The following CYP46A1 variants were observed in gnomAD, a reference collection of about 807,000 sequenced individuals.
The protein encoded by CYP46A1 is cytochrome P450 family 46 subfamily A member 1.
Under a neutral mutation model 63.3 loss-of-function variants are expected in CYP46A1, and 20 were observed. That is an observed-to-expected ratio of 0.32 (90% CI 0.22 to 0.46). The LOEUF is 0.46. CYP46A1 is among the 20% of genes least tolerant of loss of function. The probability of loss-of-function intolerance (pLI) is 1.00; values close to 1 mark genes in which losing one functional copy is unlikely to be tolerated. For synonymous variants in CYP46A1, 268 were observed against 273.6 expected (o/e 0.98, Z 0.20); for missense variants, 445 against 670.8 (o/e 0.66, Z 3.72).
intron 12 of CYP46A1, among the ~76,000 whole-genome samples, chr14:99,724,363 C>T (rs1281369315): frequency 6.6e-6 from 1 of 152,158 alleles, no homozygotes; most frequent in Non-Finnish European, 1.5e-5. Flanking sequence ...CTCCAGCATC[C>T]ATCCAAGCCT....
chr14:99,686,440 C>T (rs2056495039), intron 1 of CYP46A1, among the ~76,000 whole-genome samples: 1 of 152,154 alleles, frequency 6.6e-6, no homozygotes, highest in South Asian at 2.1e-4. Context: ...CCATCGCCAC[C>T]GATTTCAGAA....
chr14:99,691,722 T>C lies in CYP46A1; in HGVS notation c.201-58T>C. 4 of 1,517,470 alleles carry C rather than the reference T, an allele frequency of 2.6e-6. No homozygotes were observed. The South Asian group carries it at 4.5e-5, about 17-fold the overall frequency. The allele number at this position is 1,517,470 out of a possible 1,614,324, so 94.0% of individuals were successfully genotyped here. A position where few individuals can be genotyped will look rare whatever the true frequency, so the allele number is the denominator to read the frequency against. On this transcript the variant is annotated intron_variant, in intron 2 of 14. Coordinates refer to ENST00000261835, the MANE Select transcript of CYP46A1 (RefSeq NM_006668.2). The stretch of plus-strand genomic sequence containing the variant: ...CATCGGTTTCTCAGCTGGGCGGGGT[T>C]GGTGATGGTCATACCTCAGGTGGTT...
chr14:99,684,596 C>T, intron 1 of CYP46A1, 60 bp downstream of exon 1: 2 of 1,362,038 alleles, frequency 1.5e-6, no homozygotes, highest in Non-Finnish European at 2.0e-6. Flanking sequence ...CTGGGGACAG[C>T]GTCTAAGCCG....
rs562746486 is a variant in CYP46A1 at position 99,719,801 on chromosome 14, G to A, written c.981-1438G>A. On this transcript the variant is annotated intron_variant, in intron 10 of 14. Coordinates refer to ENST00000261835, the MANE Select transcript of CYP46A1 (RefSeq NM_006668.2). ...TTTTAAGACAGAGTCTCACTCTGTC[G>A]CCCAGGCTGCAGTGCAGTGGCACAA... 5.7e-4 allele frequency among the ~76,000 whole-genome samples: 71 copies of A among 123,918 alleles called. 1 individual carries two copies. The highest frequency in any genetic ancestry group is 1.7e-3 in the Admixed American group (16 of 9,612). 81.3% of individuals were successfully genotyped at this position (123,918 alleles called of 152,430 possible).
chr14:99,709,120 C>T (rs2056706640), intron 7 of CYP46A1: 1 of 152,068 alleles, frequency 6.6e-6, no homozygotes, highest in Admixed American at 6.6e-5. Flanking sequence ...ACACTAGATG[C>T]ACAAAGGGGC....
intron 1 of CYP46A1, among the ~76,000 whole-genome samples, chr14:99,684,948 T>C (rs2056477742): frequency 6.6e-6 from 1 of 152,204 alleles, no homozygotes; most frequent in Admixed American, 6.5e-5. Context: ...TCAGCCTGGA[T>C]TGGAGCACGC....
Position 99,692,143 on chromosome 14 carries a change from C to G in CYP46A1, c.282+282C>G, listed in dbSNP as rs529246133. Among the ~76,000 whole-genome samples, 61 of 152,332 alleles carry G rather than the reference C, an allele frequency of 4.0e-4. 1 individual carries two copies. The highest frequency in any genetic ancestry group is 3.4e-3 in the Middle Eastern group (1 of 294). On this transcript the variant is annotated intron_variant, in intron 3 of 14. Transcript: ENST00000261835. The stretch of plus-strand genomic sequence containing the variant: ...TAGTGCACACACGTTTAGTTTGCCT[C>G]TCTTTGCCTCAGTTCCTTCATCTGT...
chr14:99,687,212 C>T (rs2140109961), intron 1 of CYP46A1, among the ~76,000 whole-genome samples: 1 of 152,354 alleles, frequency 6.6e-6, no homozygotes, highest in Admixed American at 6.5e-5. Context: ...TCAGATCCCA[C>T]ACAAACACCT....
intron 9 of CYP46A1, among the ~76,000 whole-genome samples, chr14:99,717,498 C>G (rs2056801250): frequency 6.6e-6 from 1 of 152,122 alleles, no homozygotes; most frequent in African/African-American, 2.4e-5. Flanking sequence ...CCTCCACACC[C>G]TAGGAGCTGG....
chr14:99,698,409 T>C (rs2056603545), intron 3 of CYP46A1, among the ~76,000 whole-genome samples: 1 of 152,156 alleles, frequency 6.6e-6, no homozygotes, highest in Non-Finnish European at 1.5e-5. Context: ...GTTTTCAACC[T>C]CAGTTTCTCC....
Position 99,684,342 on chromosome 14 carries a change from G to T in CYP46A1, c.-76G>T. ...GCCGAGGCGGCGCGCGGCGCTGACA[G>T]CTGAGTCGGCTCGCGGCCTCCCGGC... is the stretch of plus-strand genomic sequence containing the variant. On this transcript the variant is annotated 5_prime_UTR_variant, in exon 1 of 15. Coordinates refer to ENST00000261835, the MANE Select transcript of CYP46A1 (RefSeq NM_006668.2). The T allele has an allele frequency of 1.1e-6, 1 of 906,600 alleles. No individual in the cohort carries two copies. Among genetic ancestry groups the T allele is most frequent in the Non-Finnish European group, 1.4e-6 (1 of 698,438 alleles). 56.2% of individuals were successfully genotyped at this position (906,600 alleles called of 1,614,324 possible).
chr14:99,688,854 C>T (rs1411323097), intron 1 of CYP46A1, among the ~76,000 whole-genome samples: 2 of 152,118 alleles, frequency 1.3e-5, no homozygotes, highest in African/African-American at 4.8e-5. Context: ...CCTGGATCCT[C>T]GTCTGACCTG....
rs952815683 is a variant in CYP46A1, at chr14:99,701,190, T to C, written c.443+1089T>C. ...TTCTAGTAAGCTAAGGCTAATTTAT[T>C]ATTGAAGAAAGAAAAAAAATTTTTA... On this transcript the variant is annotated intron_variant, in intron 5 of 14. Coordinates refer to ENST00000261835, the MANE Select transcript of CYP46A1 (RefSeq NM_006668.2). Among the ~76,000 whole-genome samples, 4 of 152,300 alleles carry C rather than the reference T, an allele frequency of 2.6e-5. No individual in the cohort carries two copies. In the East Asian group the frequency reaches 7.7e-4, roughly 29 times the overall value.
At chr14:99,726,400 G>C (rs1454603136) in intron 14 of CYP46A1, 144 bp downstream of exon 14, 80 of 1,171,012 alleles carry the variant, frequency 6.8e-5, no homozygotes, top group Non-Finnish European at 9.1e-5. Context: ...CCAGAGGACT[G>C]GCTGTGTTTT....
chr14:99,719,761 CTTT>C (rs55891116), intron 10 of CYP46A1, among the ~76,000 whole-genome samples: 29 of 118,018 alleles, frequency 2.5e-4, no homozygotes, highest in Admixed American at 3.6e-4. Flanking sequence ...TTTTTCTTTT[CTTT>C]TTTTTTTTTT....
intron 10 of CYP46A1, among the ~76,000 whole-genome samples, chr14:99,720,284 C>T (rs1348832099): frequency 2.0e-5 from 3 of 152,102 alleles, no homozygotes; most frequent in African/African-American, 7.2e-5. Context: ...TATGGTGATT[C>T]TATTTTTAAT....
In CYP46A1 at chr14:99,721,234, C is replaced by T. The variant is rs751808796; in HGVS notation, c.981-5C>T. ...AGACGAACTTGTCTTTGTCTTACCC[C>T]ACAGGCTGCAGGCCGAGGTGGATGA... On this transcript the variant is annotated splice_region_variant and splice_polypyrimidine_tract_variant and intron_variant, in intron 10 of 14. Transcript: ENST00000261835. 1.2e-6 allele frequency: 2 copies of T among 1,613,308 alleles called. No homozygotes were observed. The highest frequency in any genetic ancestry group is 1.3e-5 in the African/African-American group (1 of 75,038).
chr14:99,720,418 T>C (rs1267600988), intron 10 of CYP46A1, among the ~76,000 whole-genome samples: 5 of 151,628 alleles, frequency 3.3e-5, no homozygotes, highest in Non-Finnish European at 7.4e-5. Context: ...TTTATTGGGA[T>C]GAGAACCATC....
At position 99,722,282 on chromosome 14, in the gene CYP46A1, G is replaced by A. The variant is rs1422209595; in HGVS notation, c.1176+216G>A. ...GCAGAAGATTACAGGGGGTCATTCT[G>A]GAAGGGAGGTGCCCCATTTACAGCT... On this transcript the variant is annotated intron_variant, in intron 12 of 14. Coordinates refer to ENST00000261835, the MANE Select transcript of CYP46A1 (RefSeq NM_006668.2). The surrounding 1 kb of genome is among the most constrained non-coding windows in gnomAD (Gnocchi z 4.6). Among the ~76,000 whole-genome samples, 2 of 152,150 alleles carry A rather than the reference G, an allele frequency of 1.3e-5. No homozygotes were observed. Among genetic ancestry groups the A allele is most frequent in the Non-Finnish European group, 2.9e-5 (2 of 68,030 alleles).
Sources: allele counts gnomAD v4.1 joint callset (sites outside exome capture counted in the v4.1 genomes callset), GRCh38; gene constraint gnomAD v4.1.1; non-coding constraint Gnocchi (gnomAD v3.1); transcripts MANE v1.5; gene names NCBI Gene and HGNC (gene_info 2026-07-23, HGNC 2026-07-21).